TTC1: variants seen among roughly 807,000 people sequenced by gnomAD.
TTC1 encodes the protein tetratricopeptide repeat domain 1.
TTC1 carries 31 observed loss-of-function variants against 37.6 expected under a neutral mutation model. That is an observed-to-expected ratio of 0.82 (90% CI 0.62 to 1.11). The LOEUF is 1.11. TTC1 is among the 50% of genes most tolerant of loss of function. TTC1 has a pLI of 0.00. For synonymous variants in TTC1, 127 were observed against 122.4 expected, an observed-to-expected ratio of 1.04 and a Z score of -0.25; for missense variants, 351 against 339.0, an observed-to-expected ratio of 1.04 and a Z score of -0.28.
chr5:160,048,725 T>C (rs1034397194), intron 5 of TTC1, among the ~76,000 whole-genome samples: 8 of 152,212 alleles, frequency 5.3e-5, no homozygotes, highest in African/African-American at 1.9e-4. Context: ...CTTAACTCTT[T>C]AATTTGTATC....
chr5:160,032,365 T>G (rs545913669), intron 2 of TTC1, among the ~76,000 whole-genome samples: 1 of 152,202 alleles, frequency 6.6e-6, no homozygotes, highest in African/African-American at 2.4e-5. Flanking sequence ...TCTAAAGAAT[T>G]TGTTTCTTAA....
intron 7 of TTC1, among the ~76,000 whole-genome samples, chr5:160,053,430 GGT>G (rs1216636925): frequency 6.6e-6 from 1 of 152,034 alleles, no homozygotes; most frequent in African/African-American, 2.4e-5. Flanking sequence ...CAGGTGTGCT[GGT>G]GTGCACCTGT....
In TTC1 at chr5:160,049,581, C is replaced by T. The variant is rs2113393064; in HGVS notation, c.609C>T (p.Asp203=). Residue 203 remains aspartate, a synonymous_variant, in exon 6 of 8, where the codon GAC becomes GAT. Coordinates refer to ENST00000231238, the MANE Select transcript of TTC1 (RefSeq NM_003314.3). ...GAGCAGAGTTGTATGAGAAGACGGA[C>T]AAGCTAGATGAAGCCCTGGAAGACT... The part of the protein sequence containing the change: ...LRRAELYEKT[D]KLDEALEDYK... The T allele has an allele frequency of 2.5e-6, 4 of 1,612,044 alleles. No homozygotes were observed. The highest frequency in any genetic ancestry group is 4.5e-5 in the East Asian group (2 of 44,780).
chr5:160,026,930 A>G (rs1427185202), intron 2 of TTC1, among the ~76,000 whole-genome samples: 2 of 149,694 alleles, frequency 1.3e-5, no homozygotes, highest in Admixed American at 1.3e-4. Flanking sequence ...GATTTTATTA[A>G]CTATGCTTAC....
intron 2 of TTC1, chr5:160,023,985 G>A (rs1756759176): frequency 4.5e-6 from 7 of 1,542,116 alleles, no homozygotes; most frequent in South Asian, 2.2e-5. Context: ...CCACCTGGTT[G>A]CATGAAACAA....
intron 2 of TTC1, among the ~76,000 whole-genome samples, chr5:160,021,051 A>G (rs1005946741): frequency 1.3e-5 from 2 of 152,178 alleles, no homozygotes; most frequent in African/African-American, 4.8e-5. Flanking sequence ...AGTTAAAATG[A>G]CGTTCAGTAT....
intron 2 of TTC1, among the ~76,000 whole-genome samples, chr5:160,022,331 A>C (rs1239600981): frequency 1.3e-5 from 2 of 152,200 alleles, no homozygotes; most frequent in Admixed American, 1.3e-4. Context: ...CTAGAGAAGC[A>C]CTTTCTAACA....
At chr5:160,019,901 T>C (rs1756675871) in intron 2 of TTC1, among the ~76,000 whole-genome samples, 1 of 151,864 alleles carries the variant, frequency 6.6e-6, no homozygotes, top group Non-Finnish European at 1.5e-5. Flanking sequence ...TTTTCTTTCA[T>C]TTCTTGTTTT....
intron 3 of TTC1, among the ~76,000 whole-genome samples, 177 bp downstream of exon 3, chr5:160,035,377 G>A (rs971313796): frequency 2.6e-5 from 4 of 152,220 alleles, no homozygotes; most frequent in African/African-American, 7.2e-5. Context: ...TTATTCATCT[G>A]ATGGTGACCA....
intron 2 of TTC1, among the ~76,000 whole-genome samples, chr5:160,029,516 T>C (rs894429138): frequency 4.1e-5 from 6 of 146,962 alleles, no homozygotes; most frequent in African/African-American, 1.5e-4. Context: ...GGCGTGGTGG[T>C]GTGCACCTGT....
In TTC1 at chr5:160,064,725, G is replaced by A. The variant is rs531775076; in HGVS notation, c.746-207G>A. ...ATCTATGCAAGCACAGGCTGAGGGT[G>A]GATGGCATTAAAGTGACTGCACTGC... On this transcript the variant is annotated intron_variant, in intron 7 of 7. Coordinates refer to ENST00000231238, the MANE Select transcript of TTC1 (RefSeq NM_003314.3). Among the ~76,000 whole-genome samples the A allele has an allele frequency of 2.6e-5, 4 of 152,320 alleles. No individual in the cohort carries two copies. The East Asian group carries it at 7.7e-4, about 29-fold the overall frequency.
chr5:160,023,242 C>T (rs937427116), intron 2 of TTC1, among the ~76,000 whole-genome samples: 1 of 129,952 alleles, frequency 7.7e-6, no homozygotes, highest in Non-Finnish European at 1.6e-5. Context: ...GGCAACAGAA[C>T]AAAACACTGT....
intron 7 of TTC1, among the ~76,000 whole-genome samples, chr5:160,051,619 T>C (rs529336302): frequency 6.6e-6 from 1 of 152,346 alleles, no homozygotes; most frequent in South Asian, 2.1e-4. Flanking sequence ...GTCCCTTTAG[T>C]GTTTGAGAAC....
At chr5:160,028,776 C>G (rs1274405327) in intron 2 of TTC1, among the ~76,000 whole-genome samples, 1 of 152,046 alleles carries the variant, frequency 6.6e-6, no homozygotes, top group Non-Finnish European at 1.5e-5. Context: ...CCCTGGCCTG[C>G]CCAGTTTTGT....
In TTC1 at chr5:160,064,547, G is replaced by A. The variant is rs202048615; in HGVS notation, c.746-385G>A. Among the ~76,000 whole-genome samples the A allele has an allele frequency of 7.4e-4, 112 of 152,350 alleles. 1 individual carries two copies. Among genetic ancestry groups the A allele is most frequent in the Middle Eastern group, 6.8e-3 (2 of 294 alleles). ...GGAGGGACCTCTGCCCTCACTACCA[G>A]GCAGACCTGGCTTGGCAGGGTGCCT... On this transcript the variant is annotated intron_variant, in intron 7 of 7. Transcript: ENST00000231238.
chr5:160,036,829 TA>T, intron 4 of TTC1, 26 bp downstream of exon 4: 1 of 1,525,388 alleles, frequency 6.6e-7, no homozygotes. Flanking sequence ...CTTTTCTTTT[TA>T]AAAAGCACAT....
At chr5:160,043,415 G>A (rs769589118) in intron 5 of TTC1, among the ~76,000 whole-genome samples, 1 of 152,172 alleles carries the variant, frequency 6.6e-6, no homozygotes, top group Non-Finnish European at 1.5e-5. Context: ...TGGGCAACAT[G>A]ACAAAACCCT....
At chr5:160,052,548 CAAAAAAAA>C (rs557157232) in intron 7 of TTC1, among the ~76,000 whole-genome samples, 22 of 68,096 alleles carry the variant, frequency 3.2e-4, no homozygotes, top group Middle Eastern at 0.011. Flanking sequence ...TCTATTTTAG[CAAAAAAAA>C]AAAAAAAAAA....
chr5:160,023,079 C>T (rs1331646332), intron 2 of TTC1, among the ~76,000 whole-genome samples: 2 of 151,994 alleles, frequency 1.3e-5, no homozygotes, highest in Non-Finnish European at 2.9e-5. Flanking sequence ...CAAGGTGAAA[C>T]CCCATCTCTA....
Sources: allele counts gnomAD v4.1 joint callset (sites outside exome capture counted in the v4.1 genomes callset), GRCh38; gene constraint gnomAD v4.1.1; transcripts MANE v1.5; gene names NCBI Gene and HGNC (gene_info 2026-07-23, HGNC 2026-07-21).